Variants in HIVEP1 observed in about 807,000 individuals in gnomAD.
HIVEP1 encodes zinc finger protein 40.
A neutral mutation model predicts 180.0 loss-of-function variants in HIVEP1; 36 were observed. The ratio of observed to expected loss-of-function variants is 0.20; its 90% confidence interval spans 0.15 to 0.26. The LOEUF (loss-of-function observed/expected upper bound fraction) is 0.26. Among genes scored for constraint, HIVEP1 ranks in the 10% least tolerant of loss-of-function variants. The pLI is 1.00. For synonymous variants in HIVEP1, 1,239 were observed against 1,239.0 expected (o/e 1.00, Z 0.00); for missense variants, 3,143 against 3,268.7 (o/e 0.96, Z 0.94).
At chr6:12,108,451 CG>C (rs905552586) in intron 3 of HIVEP1, among the ~76,000 whole-genome samples, 26 of 152,188 alleles carry the variant, frequency 1.7e-4, no homozygotes, top group African/African-American at 6.3e-4. Flanking sequence ...CGGCGCTCAT[CG>C]GGGAGGCTTG....
intron 4 of HIVEP1, among the ~76,000 whole-genome samples, chr6:12,127,345 C>T (rs999940174): frequency 3.3e-5 from 5 of 152,164 alleles, no homozygotes; most frequent in African/African-American, 1.2e-4. Flanking sequence ...AAGGAAAGTG[C>T]ATCCAAACCA....
Position 12,120,684 on chromosome 6 carries a change from C to T in HIVEP1, c.889C>T (p.His297Tyr). ...ACACTTTGTTCCCAAATCCAACCAA[C>T]ATAATCAACAGCTTCCGGGGTGTTC... ...HEHFVPKSNQ[H>Y]NQQLPGCSGF... The change falls in exon 4 of 9, where the codon CAT (histidine) becomes TAT (tyrosine). Residue 297 changes from histidine (H) to tyrosine (Y), a missense_variant. Around this residue, in one of 12 missense-constraint regions of HIVEP1, gnomAD observed 306 missense variants for 310.6 expected, o/e 0.99. Coordinates refer to ENST00000379388, the MANE Select transcript of HIVEP1 (RefSeq NM_002114.4). 1 of 1,614,216 alleles carries T rather than the reference C, an allele frequency of 6.2e-7. No homozygotes were observed. The highest frequency in any genetic ancestry group is 1.6e-4 in the Middle Eastern group (1 of 6,062).
At chr6:12,041,940 T>C (rs1769761205) in intron 2 of HIVEP1, among the ~76,000 whole-genome samples, 1 of 151,820 alleles carries the variant, frequency 6.6e-6, no homozygotes, top group Middle Eastern at 3.2e-3. Context: ...GTTATAGGTG[T>C]GAGTCACCGT....
intron 2 of HIVEP1, among the ~76,000 whole-genome samples, chr6:12,029,079 G>A (rs9349054): frequency 0.16 from 24,389 of 152,106 alleles, 2,212 homozygotes; most frequent in Non-Finnish European, 0.2. Flanking sequence ...TGCACTGATT[G>A]TATTGATTCA....
At chr6:12,208,531 C>T in the HIVEP1 span, among the ~76,000 whole-genome samples, 4 of 152,148 alleles carry the variant, frequency 2.6e-5, no homozygotes, top group Non-Finnish European at 4.4e-5. Context: ...CGTGCTGCAC[C>T]GCGTCACCCA....
At chr6:12,178,949 A>G in the HIVEP1 span, among the ~76,000 whole-genome samples, 1 of 152,244 alleles carries the variant, frequency 6.6e-6, no homozygotes, top group Non-Finnish European at 1.5e-5. Flanking sequence ...GATCTCCAAG[A>G]CATGTTTTGA....
rs529613041 is a variant in HIVEP1, at chr6:12,025,545, G to A, written c.40+9877G>A. ...TGGCAGTGTTTAAGTGGGAATCTCC[G>A]CCTAACAGTTGAAATTTCGGACCTG... On this transcript the variant is annotated intron_variant, in intron 2 of 8. Coordinates refer to ENST00000379388, the MANE Select transcript of HIVEP1 (RefSeq NM_002114.4). Among the ~76,000 whole-genome samples, 11 of 152,258 alleles carry A rather than the reference G, an allele frequency of 7.2e-5. No individual in the cohort carries two copies. In the South Asian group the frequency reaches 1.0e-3, roughly 14 times the overall value.
At position 12,095,676 on chromosome 6, in the gene HIVEP1, T is replaced by C. The variant is rs555035653; in HGVS notation, c.94+6439T>C. ...TGTAGTATAAAAGTACTCATAGATT[T>C]TATGTTAGAAATTGAGCATTTTATA... On this transcript the variant is annotated intron_variant, in intron 3 of 8. Transcript: ENST00000379388. Among the ~76,000 whole-genome samples, 13 of 152,102 alleles carry C rather than the reference T, an allele frequency of 8.5e-5. No individual in the cohort carries two copies. In the Middle Eastern group the frequency reaches 0.014, roughly 159 times the overall value.
rs1042333949 is a variant in HIVEP1, at chr6:12,164,979, A to C, written c.*518A>C. On this transcript the variant is annotated 3_prime_UTR_variant, in exon 9 of 9. Transcript: ENST00000379388. Reference sequence around the variant, plus strand: ...TTCTGTGTTATGAAATGTTTCAGTAAAATATTGTTTACTGACTTTACCATT... The same window carrying C: ...TTCTGTGTTATGAAATGTTTCAGTACAATATTGTTTACTGACTTTACCATT... 5.8e-6 allele frequency: 2 copies of C among 344,872 alleles called. No individual in the cohort carries two copies. Among genetic ancestry groups the C allele is most frequent in the African/African-American group, 4.5e-5 (2 of 44,894 alleles). The allele number at this position is 344,872 out of a possible 1,614,324, so 21.4% of individuals were successfully genotyped here.
the HIVEP1 span, among the ~76,000 whole-genome samples, chr6:12,199,794 T>G: frequency 2.0e-5 from 3 of 152,318 alleles, no homozygotes; most frequent in South Asian, 6.2e-4. Flanking sequence ...GTTGTGCACA[T>G]CCAGCCCTTC....
chr6:12,145,829 A>G (rs1759345166), intron 7 of HIVEP1, among the ~76,000 whole-genome samples: 1 of 152,168 alleles, frequency 6.6e-6, no homozygotes, highest in African/African-American at 2.4e-5. Flanking sequence ...TTGCTGCTGT[A>G]TCTTCAGCTC....
intron 2 of HIVEP1, among the ~76,000 whole-genome samples, chr6:12,087,287 T>C (rs1479697745): frequency 6.6e-6 from 1 of 152,118 alleles, no homozygotes; most frequent in Non-Finnish European, 1.5e-5. Flanking sequence ...CAAACTTCAA[T>C]TACTTAACAA....
chr6:12,045,277 C>T (rs1770052087), intron 2 of HIVEP1, among the ~76,000 whole-genome samples: 1 of 152,166 alleles, frequency 6.6e-6, no homozygotes, highest in Admixed American at 6.5e-5. Flanking sequence ...TGGGAGGGTG[C>T]CCTGTATTGC....
the HIVEP1 span, among the ~76,000 whole-genome samples, chr6:12,199,228 T>G: frequency 1.3e-5 from 2 of 152,208 alleles, no homozygotes; most frequent in African/African-American, 4.8e-5. Flanking sequence ...CAGAATGGCA[T>G]TGGAACCTAC....
chr6:12,148,302 G>A (rs551352367), intron 7 of HIVEP1, among the ~76,000 whole-genome samples: 3 of 152,198 alleles, frequency 2.0e-5, no homozygotes, highest in East Asian at 3.9e-4. Flanking sequence ...TTCACACCCC[G>A]ATGCGTCTCC....
chr6:12,161,424 G>C lies in HIVEP1; in HGVS notation c.6488-15G>C, dbSNP rs775157007. 1.2e-5 allele frequency: 20 copies of C among 1,602,520 alleles called. No homozygotes were observed. Among genetic ancestry groups the C allele is most frequent in the Non-Finnish European group, 1.5e-5 (18 of 1,173,132 alleles). On this transcript the variant is annotated splice_polypyrimidine_tract_variant and intron_variant, in intron 7 of 8. Transcript: ENST00000379388. ...GAAAGCATTCCATCACATACCTCTTGGTTGTTTTTATTAGATGAAAAACAG... is the reference window on the plus strand; with the variant it reads ...GAAAGCATTCCATCACATACCTCTTCGTTGTTTTTATTAGATGAAAAACAG...
chr6:12,148,961 G>T (rs1488562337), intron 7 of HIVEP1, among the ~76,000 whole-genome samples: 1 of 152,156 alleles, frequency 6.6e-6, no homozygotes, highest in Non-Finnish European at 1.5e-5. Context: ...ATAATATAGT[G>T]CTGAAAGAAA....
chr6:12,165,171 CTGAT>C (rs747939990), downstream of HIVEP1: 4 of 500,442 alleles, frequency 8.0e-6, no homozygotes, highest in Non-Finnish European at 1.6e-5. Flanking sequence ...ATCCATACAA[CTGAT>C]TGACCTATTT....
chr6:12,166,938 C>T (rs1262964288), downstream of HIVEP1, among the ~76,000 whole-genome samples: 1 of 152,162 alleles, frequency 6.6e-6, no homozygotes, highest in Non-Finnish European at 1.5e-5. Flanking sequence ...TGAAGAACCA[C>T]AGGTCGTTTT....
Sources: allele counts gnomAD v4.1 joint callset (sites outside exome capture counted in the v4.1 genomes callset), GRCh38; gene constraint gnomAD v4.1.1; regional missense constraint gnomAD v4.1.1; transcripts MANE v1.5; gene names NCBI Gene and HGNC (gene_info 2026-07-23, HGNC 2026-07-21).